MYO5B: variants seen among roughly 807,000 people sequenced by gnomAD.
MYO5B encodes the protein unconventional myosin-Vb.
Under a neutral mutation model 229.3 loss-of-function variants are expected in MYO5B, and 143 were observed. The observed-to-expected ratio is 0.62, with a 90% CI of 0.54 to 0.72. The LOEUF (loss-of-function observed/expected upper bound fraction) is 0.72, where lower values mean the gene tolerates loss of function less well. MYO5B is among the 30% of genes least tolerant of loss of function. MYO5B has a pLI of 0.00. For missense variants in MYO5B, 2,321 were observed against 2,331.0 expected (o/e 1.00, Z 0.09); for synonymous variants, 918 against 885.2 (o/e 1.04, Z -0.66).
intron 1 of MYO5B, among the ~76,000 whole-genome samples, chr18:50,144,855 C>T (rs78772710): frequency 0.011 from 1,729 of 152,274 alleles, 31 homozygotes; most frequent in African/African-American, 0.037. Flanking sequence ...GACCACCCCT[C>T]CCCCAGATCA....
chr18:50,182,002 G>A lies in MYO5B; in HGVS notation c.27+12765C>T, dbSNP rs148915440. ...ATACCTCCTTAATGCTTATTCATAC[G>A]ACAAATGAACCGTTGGATTAGAAGA... On this transcript the variant is annotated intron_variant, in intron 1 of 39. Coordinates refer to ENST00000285039, the MANE Select transcript of MYO5B (RefSeq NM_001080467.3). 3.8e-3 allele frequency among the ~76,000 whole-genome samples: 582 copies of A among 152,202 alleles called. 6 individuals carry two copies. The highest frequency in any genetic ancestry group is 0.013 in the African/African-American group (553 of 41,516).
chr18:50,025,265 T>C (rs1245357300), intron 4 of MYO5B, among the ~76,000 whole-genome samples: 2 of 152,240 alleles, frequency 1.3e-5, no homozygotes, highest in Non-Finnish European at 2.9e-5. Flanking sequence ...GGTCAAGACC[T>C]GCATATCAGT....
intron 32 of MYO5B, among the ~76,000 whole-genome samples, chr18:49,847,738 T>A (rs1393835130): frequency 6.6e-6 from 1 of 152,246 alleles, no homozygotes. Context: ...TACACTCAGT[T>A]CCCTGTGTGT....
intron 4 of MYO5B, among the ~76,000 whole-genome samples, chr18:50,008,563 G>A (rs1298472622): frequency 1.3e-5 from 2 of 152,140 alleles, no homozygotes; most frequent in African/African-American, 4.8e-5. Flanking sequence ...GGAATGGGAG[G>A]GAGTTGAGCC....
Position 49,832,640 on chromosome 18 carries a change from G to T in MYO5B, c.5394+2704C>A, listed in dbSNP as rs138193636. On this transcript the variant is annotated intron_variant, in intron 39 of 39. Transcript: ENST00000285039. ...GGCTCTATAGTGGCAGGGGAACCTAGAATTGCCCACGTTTTCATCCATTAC... is the reference window on the plus strand; with the variant it reads ...GGCTCTATAGTGGCAGGGGAACCTATAATTGCCCACGTTTTCATCCATTAC... Among the ~76,000 whole-genome samples the T allele has an allele frequency of 1.1e-3, 172 of 152,272 alleles. 2 individuals carry two copies. The highest frequency in any genetic ancestry group is 7.7e-3 in the East Asian group (40 of 5,178).
rs151110323 is a variant in MYO5B, at chr18:50,135,700, C to T, written c.27+59067G>A. ...GGATTGGTTAAAGACAATTGAGATT[C>T]CATGCACGCTGTCTTACTATTGTAA... On this transcript the variant is annotated intron_variant, in intron 1 of 39. Transcript: ENST00000285039. 5.3e-5 allele frequency among the ~76,000 whole-genome samples: 8 copies of T among 152,288 alleles called. No homozygotes were observed. In the South Asian group the frequency reaches 1.7e-3, roughly 32 times the overall value.
Position 49,929,610 on chromosome 18 carries a change from GAAAAAAA to G in MYO5B, c.2004-19_2004-13del. On this transcript the variant is annotated splice_polypyrimidine_tract_variant and intron_variant, in intron 16 of 39. Transcript: ENST00000285039. The stretch of plus-strand genomic sequence containing the variant: ...TCTTTGGGTCAAAGCTGCCAAAGGA[GAAAAAAA>G]AAAAAAAAAGCAAGACAAGAGATGA... 7.8e-7 allele frequency: 1 copy of G among 1,288,206 alleles called. No individual in the cohort carries two copies. Among genetic ancestry groups the G allele is most frequent in the Admixed American group, 2.2e-5 (1 of 45,196 alleles). The allele number at this position is 1,288,206 out of a possible 1,614,324, so 79.8% of individuals were successfully genotyped here.
intron 7 of MYO5B, among the ~76,000 whole-genome samples, chr18:49,988,891 C>G (rs945948872): frequency 6.6e-6 from 1 of 152,168 alleles, no homozygotes; most frequent in Admixed American, 6.5e-5. Flanking sequence ...TTTATCATGT[C>G]ATCGTGTTCC....
intron 1 of MYO5B, among the ~76,000 whole-genome samples, chr18:50,185,409 T>A (rs2033134714): frequency 6.6e-6 from 1 of 152,200 alleles, no homozygotes; most frequent in African/African-American, 2.4e-5. Flanking sequence ...TAAATGTGCA[T>A]GCCAGCAATT....
intron 14 of MYO5B, among the ~76,000 whole-genome samples, chr18:49,951,586 C>T (rs1455121371): frequency 6.6e-6 from 1 of 152,128 alleles, no homozygotes; most frequent in Non-Finnish European, 1.5e-5. Flanking sequence ...GGCACCACTC[C>T]TTTTTAGATT....
intron 3 of MYO5B, among the ~76,000 whole-genome samples, chr18:50,037,204 TACACACACACAA>T (rs1555652928): frequency 6.7e-6 from 1 of 149,322 alleles, no homozygotes; most frequent in Non-Finnish European, 1.5e-5. Flanking sequence ...CATACACACA[TACACACACACAA>T]ACACACACAC....
At chr18:50,152,697 C>T (rs10502907) in intron 1 of MYO5B, among the ~76,000 whole-genome samples, 56,305 of 151,962 alleles carry the variant, frequency 0.37, 11,032 homozygotes, top group Non-Finnish European at 0.44. Context: ...GCCTAATGTA[C>T]TTTATTATGA....
intron 1 of MYO5B, among the ~76,000 whole-genome samples, chr18:50,176,552 A>AAGG (rs2032999327): frequency 1.3e-5 from 2 of 152,154 alleles, no homozygotes; most frequent in Non-Finnish European, 2.9e-5. Context: ...GTGTTTTCCT[A>AAGG]GAGTCTTCAA....
chr18:49,959,065 C>CA lies in MYO5B; in HGVS notation c.1545+3200dup, dbSNP rs572668971. Among the ~76,000 whole-genome samples the CA allele has an allele frequency of 1.4e-4, 22 of 152,308 alleles. 1 individual carries two copies. The South Asian group carries it at 4.3e-3, about 30-fold the overall frequency. On this transcript the variant is annotated intron_variant, in intron 12 of 39. Coordinates refer to ENST00000285039, the MANE Select transcript of MYO5B (RefSeq NM_001080467.3). ...CCTACTTTCCAACCTTACCTGCCCC[C>CA]ACCAGGAGTTCCAGACAAATCAGAT...
intron 6 of MYO5B, among the ~76,000 whole-genome samples, chr18:49,991,969 G>C (rs1488078289): frequency 6.6e-6 from 1 of 152,112 alleles, no homozygotes; most frequent in Admixed American, 6.5e-5. Flanking sequence ...CCCCTGATAA[G>C]ACTTTAAAAT....
At chr18:49,958,335 T>C (rs1235715048) in intron 12 of MYO5B, among the ~76,000 whole-genome samples, 1 of 152,214 alleles carries the variant, frequency 6.6e-6, no homozygotes. Context: ...CCAAACAATC[T>C]GCGCACTCTG....
intron 1 of MYO5B, among the ~76,000 whole-genome samples, chr18:50,096,438 C>T (rs1393427660): frequency 2.0e-5 from 3 of 152,054 alleles, no homozygotes; most frequent in Non-Finnish European, 2.9e-5. Flanking sequence ...TCAGCCTCTC[C>T]CCCCTCCAAT....
intron 22 of MYO5B, among the ~76,000 whole-genome samples, chr18:49,884,578 C>A (rs1258436801): frequency 6.6e-6 from 1 of 151,954 alleles, no homozygotes; most frequent in Non-Finnish European, 1.5e-5. Context: ...GAATCTAATG[C>A]CACTGCTGAT....
chr18:49,983,407 AC>A (rs2025837292), intron 8 of MYO5B, among the ~76,000 whole-genome samples: 1 of 152,154 alleles, frequency 6.6e-6, no homozygotes, highest in Non-Finnish European at 1.5e-5. Context: ...CTGGCCCCCT[AC>A]ACCTTGGGGC....
Sources: allele counts gnomAD v4.1 joint callset (sites outside exome capture counted in the v4.1 genomes callset), GRCh38; gene constraint gnomAD v4.1.1; transcripts MANE v1.5; gene names NCBI Gene and HGNC (gene_info 2026-07-23, HGNC 2026-07-21).